The following IFT140 variants were observed in gnomAD, a reference collection of about 807,000 sequenced individuals.
IFT140 encodes intraflagellar transport 140, also known as intraflagellar transport protein 140 homolog.
In IFT140, 133 loss-of-function variants were observed where a neutral mutation model predicts 164.6. The ratio of observed to expected loss-of-function variants is 0.81; its 90% CI spans 0.70 to 0.93. The LOEUF is 0.93. Among genes scored for constraint, IFT140 ranks in the 40% least tolerant of loss-of-function variants. The pLI, the probability that IFT140 is intolerant of heterozygous loss-of-function variation, is 0.00. For missense variants in IFT140, 2,045 were observed against 1,972.3 expected, an observed-to-expected ratio of 1.04 and a Z score of -0.70; for synonymous variants, 860 against 817.3, an observed-to-expected ratio of 1.05 and a Z score of -0.89.
At chr16:1,554,312 A>G (rs1320934255) in intron 19 of IFT140, among the ~76,000 whole-genome samples, 1 of 152,248 alleles carries the variant, frequency 6.6e-6, no homozygotes, top group Non-Finnish European at 1.5e-5. Context: ...AGACTTAGAA[A>G]AGTCTTTTCT....
At chr16:1,563,461 ACAAACAAAC>A (rs1212062430) in intron 17 of IFT140, among the ~76,000 whole-genome samples, 63 of 151,816 alleles carry the variant, frequency 4.1e-4, no homozygotes, top group African/African-American at 1.4e-3. Flanking sequence ...AACAAACAAA[ACAAACAAAC>A]AAAAGATTTC....
At chr16:1,574,894 C>G (rs1037990399) in intron 13 of IFT140, among the ~76,000 whole-genome samples, 1 of 152,182 alleles carries the variant, frequency 6.6e-6, no homozygotes, top group Admixed American at 6.5e-5. Context: ...TGTCTGTAGT[C>G]ACTGCGTCCC....
intron 19 of IFT140, among the ~76,000 whole-genome samples, chr16:1,539,645 G>A (rs2031433542): frequency 6.6e-6 from 1 of 152,258 alleles, no homozygotes; most frequent in African/African-American, 2.4e-5. Context: ...CTTTGGAGAT[G>A]AAGGAACGTG....
intron 19 of IFT140, among the ~76,000 whole-genome samples, chr16:1,528,523 GCA>G (rs922142210): frequency 6.8e-6 from 1 of 147,570 alleles, no homozygotes. Context: ...ACACACACAG[GCA>G]CACACAAGCA....
chr16:1,536,039 G>A (rs1229863436), intron 19 of IFT140, among the ~76,000 whole-genome samples: 2 of 152,230 alleles, frequency 1.3e-5, no homozygotes, highest in African/African-American at 4.8e-5. Flanking sequence ...CTGGAGGTGG[G>A]GCCGGGCGCT....
intron 30 of IFT140, 57 bp from the exon 31 acceptor site, chr16:1,511,207 T>TGCCTG: frequency 6.7e-7 from 1 of 1,484,298 alleles, no homozygotes; most frequent in Non-Finnish European, 9.2e-7. Context: ...CACGACCCTC[T>TGCCTG]GCCTGCAGGC....
At chr16:1,558,246 A>ACTGT in intron 18 of IFT140, 112 bp from the exon 19 acceptor site, 1 of 1,038,302 alleles carries the variant, frequency 9.6e-7, no homozygotes, top group Non-Finnish European at 1.4e-6. Context: ...CCCTCTGCAG[A>ACTGT]CAGACAGATA....
At chr16:1,535,643 C>T (rs998288971) in intron 19 of IFT140, among the ~76,000 whole-genome samples, 3 of 152,216 alleles carry the variant, frequency 2.0e-5, no homozygotes, top group Non-Finnish European at 2.9e-5. Context: ...GAACCCTCAG[C>T]GGGGAATGTC....
Position 1,525,990 on chromosome 16 carries a change from G to A in IFT140, c.2665C>T (p.Leu889Phe). Reference protein sequence around the residue: ...YQAAGRWQEALQVAEHHDRVH... With the variant: ...YQAAGRWQEAFQVAEHHDRVH... Reference sequence around the variant, plus strand: ...CGATCGTGGTGCTCGGCTACCTGGAGGGCCTCCTGCCACCGGCCCGCAGCC... The same window carrying A: ...CGATCGTGGTGCTCGGCTACCTGGAAGGCCTCCTGCCACCGGCCCGCAGCC... Residue 889 changes from leucine to phenylalanine, a missense_variant, in exon 21 of 31, where the codon CTC becomes TTC. Transcript: ENST00000426508. The A allele has an allele frequency of 6.3e-7, 1 of 1,597,334 alleles. No individual in the cohort carries two copies.
At chr16:1,598,181 G>A (rs939416939) in intron 4 of IFT140, among the ~76,000 whole-genome samples, 4 of 152,214 alleles carry the variant, frequency 2.6e-5, no homozygotes, top group Admixed American at 1.3e-4. Flanking sequence ...AATACAAGCC[G>A]GGTGCGGTGG....
At chr16:1,538,364 G>A (rs993778390) in intron 19 of IFT140, among the ~76,000 whole-genome samples, 4 of 152,186 alleles carry the variant, frequency 2.6e-5, no homozygotes, top group African/African-American at 9.7e-5. Flanking sequence ...GACAGGTCAG[G>A]GGTGCGTCTG....
intron 7 of IFT140, among the ~76,000 whole-genome samples, chr16:1,588,527 AAATAATAAT>A (rs56785842): frequency 6.9e-6 from 1 of 145,432 alleles, no homozygotes; most frequent in Non-Finnish European, 1.5e-5. Context: ...TCCGTCTCAA[AAATAATAAT>A]AATAATAATA....
intron 26 of IFT140, among the ~76,000 whole-genome samples, chr16:1,521,821 G>A (rs746835204): frequency 3.4e-5 from 5 of 148,384 alleles, no homozygotes; most frequent in Non-Finnish European, 7.4e-5. Context: ...AGGAGTTTGA[G>A]ACCAGCCTGG....
chr16:1,542,227 C>T, intron 19 of IFT140: 2 of 823,438 alleles, frequency 2.4e-6, no homozygotes, highest in South Asian at 4.0e-5. Flanking sequence ...CCCCATGGGG[C>T]ATCCTCCCTC....
intron 26 of IFT140, among the ~76,000 whole-genome samples, chr16:1,522,489 C>T (rs1301610321): frequency 9.9e-5 from 15 of 152,122 alleles, no homozygotes; most frequent in South Asian, 4.1e-4. Context: ...GAGCTGAGAT[C>T]GCCCCATTGC....
intron 18 of IFT140, 95 bp from the exon 19 acceptor site, chr16:1,558,229 G>T: frequency 1.6e-6 from 2 of 1,214,072 alleles, no homozygotes; most frequent in Non-Finnish European, 2.4e-6. Flanking sequence ...CCTTATGGGG[G>T]AGAAATCCCT....
chr16:1,559,512 G>A (rs1457762784), intron 18 of IFT140, among the ~76,000 whole-genome samples: 3 of 152,218 alleles, frequency 2.0e-5, no homozygotes, highest in Non-Finnish European at 4.4e-5. Flanking sequence ...CAAGGGCAGC[G>A]TTAACAGACA....
intron 13 of IFT140, chr16:1,577,027 G>C (rs1057368748): frequency 1.3e-5 from 2 of 152,178 alleles, no homozygotes; most frequent in Non-Finnish European, 2.9e-5. Context: ...ACATTAAAAA[G>C]TGACCTCTCA....
At position 1,562,135 on chromosome 16, in the gene IFT140, T is replaced by C. The variant is rs2033446245; in HGVS notation, c.2068-19A>G. On this transcript the variant is annotated intron_variant, in intron 17 of 30. Coordinates refer to ENST00000426508, the MANE Select transcript of IFT140 (RefSeq NM_014714.4). ...CATCTGCCTGGGAGAGAAAGAAAAG[T>C]ACTGTTCTGTTTTTTTTTTTAACTT... 6.4e-7 allele frequency: 1 copy of C among 1,555,580 alleles called. No individual in the cohort carries two copies. Among genetic ancestry groups the C allele is most frequent in the Non-Finnish European group, 8.7e-7 (1 of 1,154,498 alleles).
Sources: allele counts gnomAD v4.1 joint callset (sites outside exome capture counted in the v4.1 genomes callset), GRCh38; gene constraint gnomAD v4.1.1; transcripts MANE v1.5; gene names NCBI Gene and HGNC (gene_info 2026-07-23, HGNC 2026-07-21).